NEK2: variants seen among roughly 807,000 people sequenced by gnomAD.
NEK2 encodes NIMA related kinase 2.
In NEK2, 28 loss-of-function variants were observed where a neutral mutation model predicts 54.1. The observed-to-expected ratio is 0.52, with a 90% CI of 0.38 to 0.71. The LOEUF is 0.71. Among genes scored for constraint, NEK2 ranks in the 30% least tolerant of loss-of-function variants. The pLI is 0.00. For missense variants in NEK2, 407 were observed against 531.5 expected (o/e 0.77, Z 2.30); for synonymous variants, 176 against 193.1 (o/e 0.91, Z 0.73).
intron 7 of NEK2, among the ~76,000 whole-genome samples, chr1:211,666,011 C>T (rs1226873694): frequency 6.6e-6 from 1 of 152,176 alleles, no homozygotes; most frequent in Non-Finnish European, 1.5e-5. Flanking sequence ...TTGAAACCAA[C>T]AACTTTTAAC....
At position 211,675,338 on chromosome 1, in the gene NEK2, G is replaced by T. The variant is rs777605996; in HGVS notation, c.96+46C>A. 3 of 1,573,400 alleles carry T rather than the reference G, an allele frequency of 1.9e-6. No homozygotes were observed. In the East Asian group the frequency reaches 6.7e-5, roughly 35 times the overall value. ...TGGCGCAGGGCGCTCGCCCCGAGGC[G>T]ACGAAACCTAAGCAGGGGCAGGCGC... On this transcript the variant is annotated intron_variant, in intron 1 of 7. Transcript: ENST00000366999.
At chr1:211,661,013 T>G, downstream of NEK2, 1 of 741,104 alleles carries the variant, frequency 1.3e-6, no homozygotes, top group Non-Finnish European at 2.5e-6. Context: ...CGCTGGAAAC[T>G]ATCAGCATCC....
chr1:211,675,389 C>T lies in NEK2; in HGVS notation c.91G>A (p.Gly31Ser), dbSNP rs1478078285. Residue 31 changes from glycine to serine, a missense_variant, in exon 1 of 8, where the codon GGC becomes AGC. Physicochemically the swap from Gly to Ser is moderately conservative, Grantham distance 56. Transcript: ENST00000366999. ...RCQKIRRKSD[G>S]KILVWKELDY... is the part of the protein sequence containing the mutation. ...AGGGTAGGTCCCACGCTCACCTTGCCATCACTCTTCCTCCGGATCTTCTGG... is the reference window on the plus strand; with the variant it reads ...AGGGTAGGTCCCACGCTCACCTTGCTATCACTCTTCCTCCGGATCTTCTGG... 3.7e-6 allele frequency: 6 copies of T among 1,613,674 alleles called. No homozygotes were observed. The highest frequency in any genetic ancestry group is 5.1e-6 in the Non-Finnish European group (6 of 1,179,716).
chr1:211,675,426 G>C lies in NEK2; in HGVS notation c.54C>G (p.Ser18=). 3.1e-6 allele frequency: 5 copies of C among 1,613,946 alleles called. No individual in the cohort carries two copies. The highest frequency in any genetic ancestry group is 4.2e-6 in the Non-Finnish European group (5 of 1,179,816). Residue 18 remains serine, a synonymous_variant, in exon 1 of 8, where the codon TCC becomes TCG. Transcript: ENST00000366999. ...YEVLYTIGTG[S]YGRCQKIRRK... is the part of the protein sequence containing the mutation. ...TCCGGATCTTCTGGCAGCGGCCGTA[G>C]GAGCCTGTGCCAATGGTGTACAACA...
chr1:211,674,381 G>C lies in NEK2; in HGVS notation c.229C>G (p.Arg77Gly). Residue 77 changes from arginine (R) to glycine (G), a missense_variant, in exon 2 of 8, where the codon CGG (arginine) becomes GGG (glycine). Transcript: ENST00000366999. ...IVRYYDRIID[R>G]TNTTLYIVME... ...ACAATGTACAGTGTTGTATTGGTCC[G>C]GTCAATAATCCGATCATAGTAACGA... The C allele has an allele frequency of 6.2e-7, 1 of 1,614,020 alleles. No homozygotes were observed. Among genetic ancestry groups the C allele is most frequent in the Non-Finnish European group, 8.5e-7 (1 of 1,179,972 alleles).
rs757031845 is a variant in NEK2 at position 211,669,266 on chromosome 1, C to T, written c.832G>A (p.Glu278Lys). 30 of 1,614,138 alleles carry T rather than the reference C, an allele frequency of 1.9e-5. No homozygotes were observed. Among genetic ancestry groups the T allele is most frequent in the South Asian group, 1.2e-4 (11 of 91,080 alleles). The part of the protein sequence containing the change: ...NPLIADLVAD[E>K]QRRNLERRGR... ...CTTCTCTCAAGATTTCTTCTTTGCTCGTCTGCAACCAAATCTGCTATTAAA... is the reference window on the plus strand; with the variant it reads ...CTTCTCTCAAGATTTCTTCTTTGCTTGTCTGCAACCAAATCTGCTATTAAA... The change falls in exon 6 of 8, where the codon GAG (glutamate) becomes AAG (lysine). Residue 278 changes from glutamate to lysine, a missense_variant. Physicochemically the swap from Glu to Lys is moderately conservative, Grantham distance 56 (BLOSUM62 1). Transcript: ENST00000366999.
rs144260153 is a variant in NEK2 at position 211,671,274 on chromosome 1, T to C, written c.566A>G (p.Asn189Ser). The C allele has an allele frequency of 1.5e-4, 244 of 1,613,052 alleles. No homozygotes were observed. Among genetic ancestry groups the C allele is most frequent in the Admixed American group, 5.3e-4 (32 of 60,034 alleles). The change falls in exon 4 of 8, where the codon AAT becomes AGT. Residue 189 changes from asparagine (N) to serine (S), a missense_variant. By Grantham distance (46) the Asn-to-Ser change is conservative. Transcript: ENST00000366999. Reference sequence around the variant, plus strand: ...TGATTTCTCATTGTAGGACATGCGATTCATTTGTTCCTATACAGGGAAAAA... The same window carrying C: ...TGATTTCTCATTGTAGGACATGCGACTCATTTGTTCCTATACAGGGAAAAA... The part of the protein sequence containing the change: ...TPYYMSPEQM[N>S]RMSYNEKSDI...
In NEK2 at chr1:211,673,584, T is replaced by C. The variant is rs377505890; in HGVS notation, c.454A>G (p.Lys152Glu). Reference sequence around the variant, plus strand: ...AAGTCTCCAAGCTTGACGTTTTGCTTGCCATCCAGGAAAACATTGGCTGGT... The same window carrying C: ...AAGTCTCCAAGCTTGACGTTTTGCTCGCCATCCAGGAAAACATTGGCTGGT... ...LKPANVFLDG[K>E]QNVKLGDFGL... The change falls in exon 3 of 8, where the codon AAG (lysine) becomes GAG (glutamate). Residue 152 changes from lysine to glutamate, a missense_variant. Lys to Glu is a moderately conservative substitution (Grantham distance 56). Coordinates refer to ENST00000366999, the MANE Select transcript of NEK2 (RefSeq NM_002497.4). 35 of 1,614,032 alleles carry C rather than the reference T, an allele frequency of 2.2e-5. No individual in the cohort carries two copies. The African/African-American group carries it at 4.1e-4, about 19-fold the overall frequency.
chr1:211,666,420 T>A, intron 7 of NEK2: 6 of 809,356 alleles, frequency 7.4e-6, no homozygotes, highest in Non-Finnish European at 9.0e-6. Context: ...GGCATGGCAA[T>A]ATTAAAATGT....
downstream of NEK2, chr1:211,660,953 C>T (rs61731130): frequency 3.5e-4 from 259 of 745,994 alleles, no homozygotes; most frequent in African/African-American, 3.4e-3. Flanking sequence ...TCATCTACCA[C>T]GAGGAAGAAA....
rs1655066541 is a variant in NEK2 at position 211,663,281 on chromosome 1, T to C, written c.*145A>G. Reference sequence around the variant, plus strand: ...TTGTACAATAGTTGCTGAAGAACAGTAAAACCAATTCCGAAATATCATGTG... The same window carrying C: ...TTGTACAATAGTTGCTGAAGAACAGCAAAACCAATTCCGAAATATCATGTG... On this transcript the variant is annotated 3_prime_UTR_variant, in exon 8 of 8. Transcript: ENST00000366999. The C allele has an allele frequency of 4.2e-6, 6 of 1,420,848 alleles. No homozygotes were observed. The Admixed American group carries it at 8.9e-5, about 21-fold the overall frequency. The allele number at this position is 1,420,848 out of a possible 1,614,324, so 88.0% of individuals were successfully genotyped here.
chr1:211,672,251 A>G (rs1047007111), intron 3 of NEK2, among the ~76,000 whole-genome samples: 1 of 152,270 alleles, frequency 6.6e-6, no homozygotes, highest in African/African-American at 2.4e-5. Flanking sequence ...ACTTTTTAAA[A>G]GCCATCAGAC....
At position 211,675,504 on chromosome 1, in the gene NEK2, C is replaced by T; in HGVS notation, c.-25G>A. On this transcript the variant is annotated 5_prime_UTR_variant, in exon 1 of 8. Coordinates refer to ENST00000366999, the MANE Select transcript of NEK2 (RefSeq NM_002497.4). ...TGGCCGGCCAGTCGCCAGAGTCGCG[C>T]TGCCTCACGCAGGTTGCGCCGCCAA... is the stretch of plus-strand genomic sequence containing the variant. The T allele has an allele frequency of 3.7e-6, 6 of 1,602,596 alleles. No homozygotes were observed. Among genetic ancestry groups the T allele is most frequent in the Non-Finnish European group, 5.1e-6 (6 of 1,171,368 alleles).
chr1:211,670,288 T>C lies in NEK2; in HGVS notation c.758A>G (p.Asn253Ser). 1 of 1,609,662 alleles carries C rather than the reference T, an allele frequency of 6.2e-7. No individual in the cohort carries two copies. The highest frequency in any genetic ancestry group is 8.5e-7 in the Non-Finnish European group (1 of 1,178,284). ...TCATCTTATCATCTTTACCTTTAAG[T>C]TTAACATCCTCGTAATAATTTCATT... ...ELNEIITRML[N>S]LKDYHRPSVE... Residue 253 changes from asparagine to serine, a missense_variant, in exon 5 of 8, where the codon AAC (asparagine) becomes AGC (serine). Coordinates refer to ENST00000366999, the MANE Select transcript of NEK2 (RefSeq NM_002497.4).
intron 3 of NEK2, among the ~76,000 whole-genome samples, chr1:211,672,818 T>C (rs17017912): frequency 0.013 from 1,904 of 152,108 alleles, 47 homozygotes; most frequent in African/African-American, 0.043. Context: ...AATCCTTGAG[T>C]TTAATGCATC....
downstream of NEK2, chr1:211,660,520 A>C: frequency 4.6e-6 from 3 of 647,464 alleles, no homozygotes; most frequent in Non-Finnish European, 8.9e-6. Context: ...AAAGAGGTCA[A>C]AGTGATCATC....
chr1:211,670,741 G>T (rs550966571), intron 4 of NEK2, among the ~76,000 whole-genome samples: 42 of 152,272 alleles, frequency 2.8e-4, no homozygotes, highest in African/African-American at 9.9e-4. Flanking sequence ...AGGCAAATTT[G>T]CTTCCCTTAT....
chr1:211,668,989 G>A, intron 6 of NEK2, 124 bp downstream of exon 6: 2 of 955,850 alleles, frequency 2.1e-6, no homozygotes, highest in Non-Finnish European at 3.2e-6. Flanking sequence ...GGTTTCTCAA[G>A]TATTTTTCAA....
downstream of NEK2, among the ~76,000 whole-genome samples, chr1:211,659,754 G>A (rs924891882): frequency 2.0e-5 from 3 of 152,078 alleles, no homozygotes; most frequent in South Asian, 2.1e-4. Context: ...CAAGGCAGGC[G>A]AATGATACAT....
Sources: allele counts gnomAD v4.1 joint callset (sites outside exome capture counted in the v4.1 genomes callset), GRCh38; gene constraint gnomAD v4.1.1; transcripts MANE v1.5; gene names NCBI Gene and HGNC (gene_info 2026-07-23, HGNC 2026-07-21).